CAST: variants seen among roughly 807,000 people sequenced by gnomAD.
CAST encodes the protein calpastatin.
CAST carries 76 observed loss-of-function variants against 119.6 expected under a neutral mutation model. The ratio of observed to expected loss-of-function variants is 0.64; its 90% CI spans 0.53 to 0.77. The LOEUF (loss-of-function observed/expected upper bound fraction) is 0.77, where lower values mean the gene tolerates loss of function less well. Among genes scored for constraint, CAST ranks in the 30% least tolerant of loss-of-function variants. CAST has a pLI of 0.00. For missense variants in CAST, 953 were observed against 946.5 expected, an observed-to-expected ratio of 1.01 and a Z score of -0.09; for synonymous variants, 319 against 331.6, an observed-to-expected ratio of 0.96 and a Z score of 0.41.
chr5:96,568,369 A>G (rs2150186451), intron 1 of CAST, among the ~76,000 whole-genome samples: 1 of 152,260 alleles, frequency 6.6e-6, no homozygotes, highest in Admixed American at 6.5e-5. Flanking sequence ...GTTAGAGACC[A>G]GCCTGGCCAA....
chr5:96,484,281 G>A, the CAST span, among the ~76,000 whole-genome samples: 1 of 152,260 alleles, frequency 6.6e-6, no homozygotes, highest in East Asian at 1.9e-4. Flanking sequence ...CACTCCAGTT[G>A]TCACTCTTAC....
the CAST span, among the ~76,000 whole-genome samples, chr5:96,230,332 C>T: frequency 6.6e-6 from 1 of 152,160 alleles, no homozygotes. Flanking sequence ...CCACTGTCTT[C>T]ATTGGCACTG....
the CAST span, among the ~76,000 whole-genome samples, chr5:96,289,438 G>A: frequency 2.0e-5 from 3 of 152,048 alleles, no homozygotes; most frequent in East Asian, 3.9e-4. Flanking sequence ...TCATGGGGGC[G>A]GTTTCCCTGA....
the CAST span, among the ~76,000 whole-genome samples, chr5:96,006,762 A>G: frequency 6.6e-6 from 1 of 152,190 alleles, no homozygotes; most frequent in Non-Finnish European, 1.5e-5. Context: ...CAGTGCTTGG[A>G]CAGGGCTCTT....
the CAST span, among the ~76,000 whole-genome samples, chr5:96,269,235 G>A: frequency 9.3e-3 from 1,419 of 152,166 alleles, 24 homozygotes; most frequent in African/African-American, 0.033. Flanking sequence ...ATTATATAAC[G>A]TGAAAGGGGA....
At chr5:96,232,009 T>C in the CAST span, among the ~76,000 whole-genome samples, 1 of 152,024 alleles carries the variant, frequency 6.6e-6, no homozygotes, top group Admixed American at 6.6e-5. Context: ...CCATGGTGCT[T>C]TAAAGAAAAT....
the CAST span, among the ~76,000 whole-genome samples, chr5:96,398,492 G>A: frequency 6.6e-6 from 1 of 152,150 alleles, no homozygotes; most frequent in African/African-American, 2.4e-5. Context: ...TGAATTCCCA[G>A]TTTTCAATGG....
chr5:96,617,560 C>T (rs559794138), intron 1 of CAST, among the ~76,000 whole-genome samples: 51 of 151,816 alleles, frequency 3.4e-4, no homozygotes, highest in East Asian at 9.7e-4. Context: ...GAGGCCAAGG[C>T]GGGCGAATCA....
At chr5:96,408,246 G>C in the CAST span, 1 of 1,613,996 alleles carries the variant, frequency 6.2e-7, no homozygotes, top group African/African-American at 1.3e-5. Flanking sequence ...CCAGAGCGAA[G>C]ATGCCAGCAG....
chr5:96,536,014 T>A lies in CAST; in HGVS notation c.60+6134T>A, dbSNP rs1282705866. Among the ~76,000 whole-genome samples the A allele has an allele frequency of 2.0e-5, 3 of 147,346 alleles. No individual in the cohort carries two copies. In the East Asian group the frequency reaches 6.0e-4, roughly 29 times the overall value. On this transcript the variant is annotated intron_variant, in intron 1 of 11. Coordinates refer to the CAST transcript ENST00000505143. ...CTTTTAACTATATGTTAAATAACCA[T>A]ATGTTAAATATTTAAGGTTTTTTTT... is the stretch of plus-strand genomic sequence containing the variant.
chr5:96,105,301 C>T, the CAST span, among the ~76,000 whole-genome samples: 1 of 152,160 alleles, frequency 6.6e-6, no homozygotes, highest in Admixed American at 6.5e-5. Context: ...AGAGGTCATC[C>T]CTGTCTTTTG....
intron 22 of CAST, among the ~76,000 whole-genome samples, chr5:96,755,495 G>A (rs1231039946): frequency 6.6e-6 from 1 of 152,200 alleles, no homozygotes; most frequent in Non-Finnish European, 1.5e-5. Context: ...TGAAAGTACA[G>A]ATTGTACACA....
intron 1 of CAST, among the ~76,000 whole-genome samples, chr5:96,671,112 C>T (rs936818087): frequency 1.2e-4 from 18 of 152,246 alleles, no homozygotes; most frequent in African/African-American, 4.3e-4. Flanking sequence ...GAAAATTATT[C>T]CTTCTTGAGT....
the CAST span, among the ~76,000 whole-genome samples, chr5:96,032,381 A>ACTTC: frequency 1.7e-3 from 266 of 152,280 alleles, no homozygotes; most frequent in African/African-American, 6.1e-3. Context: ...TTGGAAGCCA[A>ACTTC]AAAGATCAGT....
chr5:96,532,301 G>C (rs1024710605), intron 1 of CAST, among the ~76,000 whole-genome samples: 1 of 152,196 alleles, frequency 6.6e-6, no homozygotes, highest in African/African-American at 2.4e-5. Flanking sequence ...AAAGACTCTT[G>C]TCTTTGTTTG....
chr5:96,006,725 C>A, the CAST span, among the ~76,000 whole-genome samples: 1 of 152,200 alleles, frequency 6.6e-6, no homozygotes, highest in East Asian at 1.9e-4. Flanking sequence ...GTGGGATTGA[C>A]CTTGAAGCAA....
chr5:96,364,083 G>A, the CAST span, among the ~76,000 whole-genome samples: 1 of 152,104 alleles, frequency 6.6e-6, no homozygotes, highest in Non-Finnish European at 1.5e-5. Context: ...TGTATCTATT[G>A]AGATAATCAT....
At chr5:96,590,796 T>C (rs1746949352) in intron 1 of CAST, among the ~76,000 whole-genome samples, 2 of 152,084 alleles carry the variant, frequency 1.3e-5, no homozygotes, top group Admixed American at 6.5e-5. Flanking sequence ...GTTGGAAAAA[T>C]AGTTCTTGGC....
chr5:96,023,476 A>T, the CAST span, among the ~76,000 whole-genome samples: 2 of 152,204 alleles, frequency 1.3e-5, no homozygotes, highest in Non-Finnish European at 2.9e-5. Context: ...TAATAAATTG[A>T]TACTATCATA....
Sources: gnomAD v4.1 joint callset for allele counts (sites outside exome capture counted in the v4.1 genomes callset) on GRCh38, gnomAD v4.1.1 for gene constraint, MANE v1.5 for transcripts, NCBI Gene and HGNC (gene_info 2026-07-23, HGNC 2026-07-21) for gene names.